Variants in PPHLN1 observed in about 807,000 individuals in gnomAD.
PPHLN1 encodes the protein periphilin-1.
A neutral mutation model predicts 51.3 loss-of-function variants in PPHLN1; 29 were observed. That is an observed-to-expected ratio of 0.57 (90% CI 0.42 to 0.77). The LOEUF (loss-of-function observed/expected upper bound fraction) is 0.77. PPHLN1 is among the 30% of genes least tolerant of loss of function. The probability of loss-of-function intolerance (pLI) is 0.00; values close to 1 mark genes in which losing one functional copy is unlikely to be tolerated. For synonymous variants in PPHLN1, 147 were observed against 147.8 expected, an observed-to-expected ratio of 0.99 and a Z score of 0.04; for missense variants, 436 against 438.4, an observed-to-expected ratio of 0.99 and a Z score of 0.05.
chr12:42,334,443 A>G (rs2137759452), intron 1 of PPHLN1, among the ~76,000 whole-genome samples: 1 of 152,288 alleles, frequency 6.6e-6, no homozygotes, highest in South Asian at 2.1e-4. Flanking sequence ...GCTTTGCTAT[A>G]ATAATATCAA....
intron 2 of PPHLN1, among the ~76,000 whole-genome samples, chr12:42,347,722 G>A (rs1267751777): frequency 6.6e-6 from 1 of 152,186 alleles, no homozygotes; most frequent in Non-Finnish European, 1.5e-5. Context: ...GTAGGTTGCA[G>A]TGAGCTGAGA....
Position 42,382,709 on chromosome 12 carries a change from C to G in PPHLN1, c.512-2231C>G, listed in dbSNP as rs181396109. 3.3e-5 allele frequency among the ~76,000 whole-genome samples: 5 copies of G among 152,122 alleles called. No homozygotes were observed. The East Asian group carries it at 9.7e-4, about 29-fold the overall frequency. Reference sequence around the variant, plus strand: ...AGTAGCAACACTCACATTTAAGGAACAATAACCAACAAAAACGAAAGAGGA... The same window carrying G: ...AGTAGCAACACTCACATTTAAGGAAGAATAACCAACAAAAACGAAAGAGGA... On this transcript the variant is annotated intron_variant, in intron 5 of 9. Transcript: ENST00000358314.
At position 42,441,841 on chromosome 12, in the gene PPHLN1, A is replaced by C. The variant is rs569336359; in HGVS notation, c.*332A>C. 1.9e-5 allele frequency: 20 copies of C among 1,027,572 alleles called. No individual in the cohort carries two copies. The highest frequency in any genetic ancestry group is 3.4e-5 in the African/African-American group (2 of 59,034). The allele number at this position is 1,027,572 out of a possible 1,614,324, so 63.7% of individuals were successfully genotyped here. ...TGCCCAACACATATACCATCTGAAA[A>C]TGTTAGAATTCTGAGTTGTGATTTT... On this transcript the variant is annotated 3_prime_UTR_variant, in exon 10 of 10. Coordinates refer to ENST00000358314, the MANE Select transcript of PPHLN1 (RefSeq NM_201439.2).
intron 4 of PPHLN1, 78 bp downstream of exon 4, chr12:42,355,300 A>G (rs2073907467): frequency 2.5e-6 from 3 of 1,206,380 alleles, no homozygotes; most frequent in Non-Finnish European, 3.6e-6. Flanking sequence ...TATAGACTCA[A>G]GGCACATAGA....
chr12:42,372,944 TAC>T (rs1468519028), intron 4 of PPHLN1, among the ~76,000 whole-genome samples: 1 of 152,208 alleles, frequency 6.6e-6, no homozygotes, highest in Non-Finnish European at 1.5e-5. Context: ...AAACGTTAAC[TAC>T]ATCCCATTAA....
intron 2 of PPHLN1, among the ~76,000 whole-genome samples, chr12:42,350,800 CAA>C (rs978373296): frequency 6.6e-6 from 1 of 152,046 alleles, no homozygotes; most frequent in Non-Finnish European, 1.5e-5. Flanking sequence ...CCATCTCCAC[CAA>C]AAAATACAAA....
At chr12:42,337,009 A>G (rs2137823843) in intron 2 of PPHLN1, among the ~76,000 whole-genome samples, 1 of 152,358 alleles carries the variant, frequency 6.6e-6, no homozygotes, top group South Asian at 2.1e-4. Flanking sequence ...GATGGAAAAA[A>G]TAAAGATGCC....
rs1293527140 is a variant in PPHLN1 at position 42,368,510 on chromosome 12, CAGAG to C, written c.300-6350_300-6347del. ...CTGGAGAGGTTAGGAAAATGAAGCT[CAGAG>C]AGGTTAATTATAATAAGGTCAAAAG... On this transcript the variant is annotated intron_variant, in intron 4 of 9. Coordinates refer to ENST00000358314, the MANE Select transcript of PPHLN1 (RefSeq NM_201439.2). Among the ~76,000 whole-genome samples the C allele has an allele frequency of 1.3e-5, 2 of 152,120 alleles. 1 individual carries two copies. Among genetic ancestry groups the C allele is most frequent in the Admixed American group, 1.3e-4 (2 of 15,280 alleles).
At chr12:42,364,154 G>A (rs2075012839) in intron 4 of PPHLN1, among the ~76,000 whole-genome samples, 1 of 152,206 alleles carries the variant, frequency 6.6e-6, no homozygotes, top group South Asian at 2.1e-4. Context: ...AACCTGGGAA[G>A]CGGAGGTTGC....
At chr12:42,392,138 C>T (rs2077778431) in intron 7 of PPHLN1, among the ~76,000 whole-genome samples, 3 of 152,152 alleles carry the variant, frequency 2.0e-5, no homozygotes, top group Non-Finnish European at 4.4e-5. Context: ...ATCGCTTGAA[C>T]CCAGGAGGCG....
At chr12:42,409,828 A>G (rs755966031) in intron 9 of PPHLN1, among the ~76,000 whole-genome samples, 78 of 152,004 alleles carry the variant, frequency 5.1e-4, no homozygotes, top group Non-Finnish European at 7.4e-4. Context: ...GTCTGTTTTC[A>G]TTAGTTTCAT....
chr12:42,354,572 C>T (rs1417587621), intron 3 of PPHLN1, among the ~76,000 whole-genome samples: 2 of 151,872 alleles, frequency 1.3e-5, no homozygotes, highest in African/African-American at 2.4e-5. Flanking sequence ...TTTTATGTAC[C>T]TTTGCAAATA....
intron 9 of PPHLN1, among the ~76,000 whole-genome samples, chr12:42,437,816 G>T: frequency 6.6e-6 from 1 of 152,154 alleles, no homozygotes; most frequent in East Asian, 1.9e-4. Context: ...ATCTGCCTAA[G>T]AAATGTCCTA....
chr12:42,432,443 C>T (rs755754020), intron 9 of PPHLN1: 4 of 760,350 alleles, frequency 5.3e-6, no homozygotes, highest in South Asian at 4.1e-5. Context: ...TGGAATCATA[C>T]TGTCTTCTCT....
intron 9 of PPHLN1, chr12:42,432,237 C>A: frequency 1.3e-6 from 1 of 783,442 alleles, no homozygotes; most frequent in South Asian, 1.3e-5. Flanking sequence ...GAATTTGTAC[C>A]ATAACTGGAG....
chr12:42,350,005 C>T (rs1314388930), intron 2 of PPHLN1, among the ~76,000 whole-genome samples: 2 of 150,618 alleles, frequency 1.3e-5, no homozygotes, highest in Admixed American at 6.6e-5. Context: ...GCCCTCCCAC[C>T]CCCCAGAGGG....
At chr12:42,414,181 C>T (rs2080154687) in intron 9 of PPHLN1, among the ~76,000 whole-genome samples, 1 of 152,014 alleles carries the variant, frequency 6.6e-6, no homozygotes, top group Non-Finnish European at 1.5e-5. Flanking sequence ...ATTACAGGCA[C>T]CTGCCACCAT....
At position 42,374,991 on chromosome 12, in the gene PPHLN1, G is replaced by A; in HGVS notation, c.428G>A (p.Ser143Asn). Residue 143 changes from serine (S) to asparagine (N), a missense_variant, in exon 5 of 10, where the codon AGC (serine) becomes AAC (asparagine). Coordinates refer to ENST00000358314, the MANE Select transcript of PPHLN1 (RefSeq NM_201439.2). Reference sequence around the variant, plus strand: ...GTTGGCCGAAAGGATTCTCCACACAGCAGATCTGGTTCCAGTGTCAGTAGC... The same window carrying A: ...GTTGGCCGAAAGGATTCTCCACACAACAGATCTGGTTCCAGTGTCAGTAGC... ...SPVGRKDSPHSRSGSSVSSRS... is the reference protein window; with the variant it reads ...SPVGRKDSPHNRSGSSVSSRS... The A allele has an allele frequency of 6.2e-7, 1 of 1,613,964 alleles. No homozygotes were observed.
intron 9 of PPHLN1, among the ~76,000 whole-genome samples, chr12:42,421,585 C>T (rs576196746): frequency 3.7e-4 from 57 of 152,156 alleles, no homozygotes; most frequent in Non-Finnish European, 6.3e-4. Context: ...TGACCTTAGG[C>T]GATCCACCCG....
Sources: allele counts gnomAD v4.1 joint callset (sites outside exome capture counted in the v4.1 genomes callset), GRCh38; gene constraint gnomAD v4.1.1; transcripts MANE v1.5; gene names NCBI Gene and HGNC (gene_info 2026-07-23, HGNC 2026-07-21).